CMIP: variants seen among roughly 807,000 people sequenced by gnomAD.
CMIP encodes C-Maf-inducing protein.
In CMIP, 13 loss-of-function variants were observed where a neutral mutation model predicts 97.3. The ratio of observed to expected loss-of-function variants is 0.13; its 90% CI spans 0.09 to 0.21. The LOEUF (loss-of-function observed/expected upper bound fraction) is 0.21. CMIP is among the 10% of genes least tolerant of loss of function. The pLI is 1.00. For missense variants in CMIP, 847 were observed against 1,024.9 expected (o/e 0.83, Z 2.37); for synonymous variants, 538 against 436.3 (o/e 1.23, Z -2.91).
chr16:81,565,238 G>C (rs1024073835), intron 1 of CMIP, among the ~76,000 whole-genome samples: 1 of 152,172 alleles, frequency 6.6e-6, no homozygotes, highest in Non-Finnish European at 1.5e-5. Context: ...TGGATAGGAG[G>C]CTTGTACCAT....
At chr16:81,469,899 C>T (rs917799037) in intron 1 of CMIP, among the ~76,000 whole-genome samples, 1 of 152,146 alleles carries the variant, frequency 6.6e-6, no homozygotes, top group Non-Finnish European at 1.5e-5. Flanking sequence ...ATGAGGAGGG[C>T]CTTCTTTGGG....
rs188435392 is a variant in CMIP, at chr16:81,681,326, C to T, written c.1388+2698C>T. On this transcript the variant is annotated intron_variant, in intron 10 of 20. Transcript: ENST00000537098. Reference sequence around the variant, plus strand: ...CTGGTTGGACCCAAACAACCCCAGCCGCTCAAAGGGCTCCAAAGTGAGATA... The same window carrying T: ...CTGGTTGGACCCAAACAACCCCAGCTGCTCAAAGGGCTCCAAAGTGAGATA... Among the ~76,000 whole-genome samples the T allele has an allele frequency of 1.7e-3, 253 of 152,352 alleles. 1 individual carries two copies. The highest frequency in any genetic ancestry group is 8.5e-4 in the Non-Finnish European group (58 of 68,034).
intron 1 of CMIP, among the ~76,000 whole-genome samples, chr16:81,540,232 A>C (rs1370632586): frequency 6.6e-6 from 1 of 152,180 alleles, no homozygotes; most frequent in Non-Finnish European, 1.5e-5. Flanking sequence ...GAGCACACTG[A>C]TTTGATGAGT....
At chr16:81,699,920 G>A (rs1441985505) in intron 15 of CMIP, 119 bp downstream of exon 15, 14 of 663,026 alleles carry the variant, frequency 2.1e-5, no homozygotes, top group East Asian at 5.7e-5. Flanking sequence ...TGGGTGAGGC[G>A]TGCAGTCCCA....
At chr16:81,451,967 C>G (rs895742487) in intron 1 of CMIP, among the ~76,000 whole-genome samples, 1 of 152,188 alleles carries the variant, frequency 6.6e-6, no homozygotes, top group Non-Finnish European at 1.5e-5. Context: ...AAGGAAGCTT[C>G]GCTTACATCA....
chr16:81,636,242 A>G (rs1287311328), intron 3 of CMIP, among the ~76,000 whole-genome samples: 1 of 152,128 alleles, frequency 6.6e-6, no homozygotes, highest in African/African-American at 2.4e-5. Context: ...GACCACTGAA[A>G]AGTCAAAAGT....
intron 6 of CMIP, among the ~76,000 whole-genome samples, chr16:81,662,726 C>T (rs987236207): frequency 7.2e-5 from 11 of 152,252 alleles, no homozygotes; most frequent in South Asian, 2.1e-4. Flanking sequence ...GTGCAGGACA[C>T]GAGGGAGGGG....
At chr16:81,481,970 C>T (rs1259094817) in intron 1 of CMIP, among the ~76,000 whole-genome samples, 1 of 151,764 alleles carries the variant, frequency 6.6e-6, no homozygotes, top group Non-Finnish European at 1.5e-5. Context: ...CCTCTGCCTC[C>T]CGGGTTCAGG....
chr16:81,671,018 G>C (rs1334018682), intron 8 of CMIP, among the ~76,000 whole-genome samples: 1 of 152,022 alleles, frequency 6.6e-6, no homozygotes, highest in Non-Finnish European at 1.5e-5. Flanking sequence ...TAGTAGAGAT[G>C]GGGTTTCAAC....
Position 81,614,738 on chromosome 16 carries a change from TGTGA to T in CMIP, c.427-6134_427-6131del, listed in dbSNP as rs561366391. ...GTGTGTGCGTACACATGTGTGTCTC[TGTGA>T]GTGTGTATGTGTCTATGTCTGTGGT... On this transcript the variant is annotated intron_variant, in intron 2 of 20. Transcript: ENST00000537098. The surrounding 1 kb of genome is among the most constrained non-coding windows in gnomAD (Gnocchi z 5.3). Among the ~76,000 whole-genome samples the T allele has an allele frequency of 9.1e-4, 138 of 151,930 alleles. 1 individual carries two copies. The highest frequency in any genetic ancestry group is 7.1e-3 in the South Asian group (34 of 4,808).
At chr16:81,607,143 G>A (rs1597140377) in intron 1 of CMIP, among the ~76,000 whole-genome samples, 1 of 152,234 alleles carries the variant, frequency 6.6e-6, no homozygotes, top group East Asian at 1.9e-4. Flanking sequence ...CGTGGCTCTG[G>A]AGGCCGAGTG....
intron 1 of CMIP, among the ~76,000 whole-genome samples, chr16:81,567,619 C>A (rs191708616): frequency 5.9e-5 from 9 of 152,326 alleles, no homozygotes; most frequent in Admixed American, 2.0e-4. Context: ...CGGCCCCTTG[C>A]GTGGCTAGAA....
At chr16:81,672,435 A>T (rs2092691317) in intron 9 of CMIP, among the ~76,000 whole-genome samples, 1 of 152,244 alleles carries the variant, frequency 6.6e-6, no homozygotes, top group South Asian at 2.1e-4. Context: ...CTGTACACAT[A>T]CATGTGACTG....
chr16:81,579,880 C>T (rs545065011), intron 1 of CMIP, among the ~76,000 whole-genome samples: 3 of 152,262 alleles, frequency 2.0e-5, no homozygotes, highest in South Asian at 2.1e-4. Context: ...GGCGTGAACC[C>T]GGGAGGCGGA....
intron 3 of CMIP, among the ~76,000 whole-genome samples, chr16:81,625,444 G>A (rs1438006068): frequency 6.6e-6 from 1 of 152,238 alleles, no homozygotes; most frequent in Non-Finnish European, 1.5e-5. Flanking sequence ...GGCCCTCAGA[G>A]GCCAAGCCCT....
intron 1 of CMIP, among the ~76,000 whole-genome samples, chr16:81,452,623 G>C (rs1001027765): frequency 2.6e-5 from 4 of 152,112 alleles, no homozygotes; most frequent in South Asian, 2.1e-4. Context: ...AGCGTTCCAG[G>C]TAGAGGGAAC....
At chr16:81,676,843 C>T (rs1904329842) in intron 9 of CMIP, among the ~76,000 whole-genome samples, 1 of 152,066 alleles carries the variant, frequency 6.6e-6, no homozygotes, top group African/African-American at 2.4e-5. Flanking sequence ...TCCCCAAACA[C>T]AATGCCAGCT....
At chr16:81,561,874 C>T (rs1211738947) in intron 1 of CMIP, among the ~76,000 whole-genome samples, 1 of 152,184 alleles carries the variant, frequency 6.6e-6, no homozygotes, top group Non-Finnish European at 1.5e-5. Context: ...AGAACATTTC[C>T]ACCATCCCAG....
intron 10 of CMIP, among the ~76,000 whole-genome samples, chr16:81,679,219 G>A (rs4334286): frequency 0.7 from 106,338 of 152,002 alleles, 39,206 homozygotes; most frequent in East Asian, 0.96. Context: ...TAGGAGAGAT[G>A]GGTGTGGGCA....
Sources: allele counts gnomAD v4.1 joint callset (sites outside exome capture counted in the v4.1 genomes callset), GRCh38; gene constraint gnomAD v4.1.1; non-coding constraint Gnocchi (gnomAD v3.1); transcripts MANE v1.5; gene names NCBI Gene and HGNC (gene_info 2026-07-23, HGNC 2026-07-21).